The following ROBO2 variants were observed in gnomAD, a reference collection of about 807,000 sequenced individuals.
ROBO2 encodes the protein roundabout guidance receptor 2.
Under a neutral mutation model 160.8 loss-of-function variants are expected in ROBO2, and 53 were observed. The observed-to-expected ratio is 0.33, with a 90% CI of 0.26 to 0.41. The LOEUF (loss-of-function observed/expected upper bound fraction) is 0.41. ROBO2 is among the 10% of genes least tolerant of loss of function. ROBO2 has a pLI of 1.00. For synonymous variants in ROBO2, 664 were observed against 611.7 expected, an observed-to-expected ratio of 1.09 and a Z score of -1.26; for missense variants, 1,577 against 1,722.4, an observed-to-expected ratio of 0.92 and a Z score of 1.49.
intron 2 of ROBO2, among the ~76,000 whole-genome samples, chr3:76,336,882 TTTAA>T (rs1259938489): frequency 6.6e-6 from 1 of 152,208 alleles, no homozygotes; most frequent in Non-Finnish European, 1.5e-5. Flanking sequence ...TAAGTATATA[TTTAA>T]TTGTCAATTA....
intron 2 of ROBO2, among the ~76,000 whole-genome samples, chr3:76,319,859 T>G (rs527596451): frequency 6.6e-6 from 1 of 152,062 alleles, no homozygotes; most frequent in Non-Finnish European, 1.5e-5. Flanking sequence ...TAATTTAGCT[T>G]AACGTAGAAA....
intron 2 of ROBO2, among the ~76,000 whole-genome samples, chr3:76,275,099 CACA>C (rs775040441): frequency 7.2e-5 from 11 of 152,214 alleles, no homozygotes; most frequent in East Asian, 3.9e-4. Flanking sequence ...CAACAGTAGA[CACA>C]ACAACAATAA....
At chr3:76,245,830 T>A (rs1705582449) in intron 2 of ROBO2, among the ~76,000 whole-genome samples, 1 of 152,178 alleles carries the variant, frequency 6.6e-6, no homozygotes. Flanking sequence ...AGACAAGTCA[T>A]ACTTCAAAGG....
intron 2 of ROBO2, among the ~76,000 whole-genome samples, chr3:75,971,535 T>C (rs953612090): frequency 4.6e-5 from 7 of 151,546 alleles, no homozygotes; most frequent in African/African-American, 1.7e-4. Flanking sequence ...TCATCCTACT[T>C]TGTCAAACTC....
At chr3:76,936,410 C>T (rs1351840966) in intron 2 of ROBO2, among the ~76,000 whole-genome samples, 1 of 151,994 alleles carries the variant, frequency 6.6e-6, no homozygotes, top group Non-Finnish European at 1.5e-5. Context: ...ATGTTAATTC[C>T]AAGTGAAATT....
intron 2 of ROBO2, among the ~76,000 whole-genome samples, chr3:76,181,537 T>C (rs1701503316): frequency 6.6e-6 from 1 of 152,180 alleles, no homozygotes; most frequent in African/African-American, 2.4e-5. Flanking sequence ...CTAGCGTACA[T>C]TTCTGAAGAT....
In ROBO2 at chr3:77,198,465, GAAC is replaced by G. The variant is rs539479988; in HGVS notation, c.388+100128_388+100130del. Among the ~76,000 whole-genome samples the G allele has an allele frequency of 3.1e-4, 47 of 152,284 alleles. No individual in the cohort carries two copies. The East Asian group carries it at 8.3e-3, about 27-fold the overall frequency. On this transcript the variant is annotated intron_variant, in intron 2 of 25. Coordinates refer to ENST00000461745, the Ensembl canonical transcript of ROBO2. ...GAAGGTCCGGTGGCTGGAGAGCAGT[GAAC>G]AAAGGCTAGAGTTAACTAATGGGAG...
intron 2 of ROBO2, among the ~76,000 whole-genome samples, chr3:77,420,423 GA>G (rs1347747609): frequency 6.6e-6 from 1 of 152,052 alleles, no homozygotes; most frequent in African/African-American, 2.4e-5. Flanking sequence ...TTGCTGGTCA[GA>G]AAAAAGCCTT....
chr3:77,353,664 C>T (rs2068663398), intron 2 of ROBO2, among the ~76,000 whole-genome samples: 1 of 151,984 alleles, frequency 6.6e-6, no homozygotes. Flanking sequence ...GCATGCACCA[C>T]CATGCCCGGC....
intron 2 of ROBO2, among the ~76,000 whole-genome samples, chr3:76,496,802 G>A (rs2080175073): frequency 6.6e-6 from 1 of 152,130 alleles, no homozygotes; most frequent in African/African-American, 2.4e-5. Flanking sequence ...GATATGTCCA[G>A]AATCTGACCA....
chr3:77,336,660 A>G (rs1404798064), intron 2 of ROBO2, among the ~76,000 whole-genome samples: 1 of 152,224 alleles, frequency 6.6e-6, no homozygotes, highest in Admixed American at 6.5e-5. Flanking sequence ...AGGGCCTTCC[A>G]TAAGAAAGTA....
intron 2 of ROBO2, among the ~76,000 whole-genome samples, chr3:76,413,860 C>G (rs1475535095): frequency 1.3e-5 from 2 of 152,088 alleles, no homozygotes; most frequent in Admixed American, 6.5e-5. Context: ...CAGCAATGCC[C>G]CACTCTACTG....
intron 2 of ROBO2, among the ~76,000 whole-genome samples, chr3:76,022,934 C>A (rs948886848): frequency 2.6e-5 from 4 of 151,748 alleles, no homozygotes; most frequent in African/African-American, 9.7e-5. Flanking sequence ...CACTGAAAAT[C>A]TCTTGTTTAG....
chr3:76,413,007 C>T (rs530933911), intron 2 of ROBO2, among the ~76,000 whole-genome samples: 1 of 152,348 alleles, frequency 6.6e-6, no homozygotes, highest in African/African-American at 2.4e-5. Flanking sequence ...GTTCCCAAAC[C>T]TCAGTTCTTG....
chr3:76,745,806 T>C (rs1054821958), intron 2 of ROBO2, among the ~76,000 whole-genome samples: 6 of 118,838 alleles, frequency 5.0e-5, no homozygotes, highest in Non-Finnish European at 8.7e-5. Context: ...TATTTTTATT[T>C]ATTTATTTAT....
chr3:77,267,237 G>T (rs538767011), intron 2 of ROBO2, among the ~76,000 whole-genome samples: 1 of 152,190 alleles, frequency 6.6e-6, no homozygotes, highest in Admixed American at 6.5e-5. Context: ...CTCTCTACAC[G>T]TAAGCGGTAG....
intron 2 of ROBO2, among the ~76,000 whole-genome samples, chr3:76,991,301 G>A (rs1247104762): frequency 6.6e-6 from 1 of 152,154 alleles, no homozygotes; most frequent in Non-Finnish European, 1.5e-5. Context: ...AAAGAGTTAA[G>A]TCAAACTATT....
chr3:77,410,696 C>G (rs1450344881), intron 2 of ROBO2, among the ~76,000 whole-genome samples: 4 of 134,316 alleles, frequency 3.0e-5, no homozygotes, highest in Non-Finnish European at 6.3e-5. Flanking sequence ...CTTCCTCCTC[C>G]TCTTCCTCCT....
chr3:76,002,488 A>G (rs616401), intron 2 of ROBO2, among the ~76,000 whole-genome samples: 64,339 of 151,868 alleles, frequency 0.42, 14,972 homozygotes, highest in South Asian at 0.66. Flanking sequence ...CAGTTTCCCC[A>G]TACTGTTCTT....
Sources: gnomAD v4.1 joint callset for allele counts (sites outside exome capture counted in the v4.1 genomes callset) on GRCh38, gnomAD v4.1.1 for gene constraint, MANE v1.5 for transcripts, NCBI Gene and HGNC (gene_info 2026-07-23, HGNC 2026-07-21) for gene names.